The following GC variants were observed in gnomAD, a reference collection of about 807,000 sequenced individuals.
The protein encoded by GC is vitamin D-binding protein.
A neutral mutation model predicts 56.7 loss-of-function variants in GC; 43 were observed. The ratio of observed to expected loss-of-function variants is 0.76; its 90% CI spans 0.59 to 0.98. The LOEUF (loss-of-function observed/expected upper bound fraction) is 0.98. GC is among the 50% of genes least tolerant of loss of function. GC has a pLI of 0.00. For synonymous variants in GC, 216 were observed against 202.7 expected, an observed-to-expected ratio of 1.07 and a Z score of -0.56; for missense variants, 529 against 545.9, an observed-to-expected ratio of 0.97 and a Z score of 0.31.
chr4:71,761,514 A>C (rs1407306011), intron 6 of GC, among the ~76,000 whole-genome samples: 2 of 152,226 alleles, frequency 1.3e-5, no homozygotes, highest in Non-Finnish European at 2.9e-5. Context: ...AGAAATTTGC[A>C]TAAGTAACAA....
intron 1 of GC, among the ~76,000 whole-genome samples, chr4:71,795,891 G>C (rs757602397): frequency 1.3e-5 from 2 of 152,106 alleles, no homozygotes; most frequent in Non-Finnish European, 2.9e-5. Flanking sequence ...GTCTGTAAAG[G>C]ATTTTATTTC....
intron 6 of GC, among the ~76,000 whole-genome samples, chr4:71,759,106 GT>G (rs1229395498): frequency 6.6e-6 from 1 of 151,996 alleles, no homozygotes; most frequent in Non-Finnish European, 1.5e-5. Context: ...CTTGTAGCAC[GT>G]GACAGGATTT....
intron 6 of GC, chr4:71,759,539 A>G (rs1741895625): frequency 6.6e-6 from 1 of 152,304 alleles, no homozygotes. Context: ...TCCAATTATT[A>G]TACTAACTAG....
At chr4:71,763,776 A>G (rs368954563) in intron 5 of GC, 28 bp downstream of exon 5, 116 of 1,566,742 alleles carry the variant, frequency 7.4e-5, no homozygotes, top group Non-Finnish European at 9.9e-5. Context: ...AAAAAACGTA[A>G]ACATATAATA....
chr4:71,746,815 A>G (rs1741390030), intron 11 of GC, among the ~76,000 whole-genome samples: 1 of 149,384 alleles, frequency 6.7e-6, no homozygotes, highest in Non-Finnish European at 1.5e-5. Flanking sequence ...TTTGGAGGCA[A>G]TGAGAGCTAT....
intron 1 of GC, among the ~76,000 whole-genome samples, chr4:71,783,727 A>G (rs1742758741): frequency 1.3e-5 from 2 of 151,756 alleles, no homozygotes; most frequent in Non-Finnish European, 2.9e-5. Context: ...GACAAATTAT[A>G]TCATTCCATT....
At chr4:71,780,822 T>G (rs1009478157) in intron 1 of GC, among the ~76,000 whole-genome samples, 6 of 152,126 alleles carry the variant, frequency 3.9e-5, no homozygotes, top group African/African-American at 9.7e-5. Flanking sequence ...CGGAAGACAG[T>G]GTGACTATTC....
Position 71,763,898 on chromosome 4 carries a change from G to A in GC, c.512C>T (p.Pro171Leu), listed in dbSNP as rs1326213512. The A allele has an allele frequency of 6.2e-7, 1 of 1,611,094 alleles. No individual in the cohort carries two copies. Among genetic ancestry groups the A allele is most frequent in the Admixed American group, 1.7e-5 (1 of 60,000 alleles). The change falls in exon 5 of 13, where the codon CCT becomes CTT. Residue 171 changes from proline (P) to leucine (L), a missense_variant. Pro to Leu is a moderately conservative substitution (Grantham distance 98). Transcript: ENST00000273951. ...WEYSTNYGQAPLSLLVSYTKS... is the reference protein window; with the variant it reads ...WEYSTNYGQALLSLLVSYTKS... The stretch of plus-strand genomic sequence containing the variant: ...GGTGTAACTGACTAAAAGTGACAGA[G>A]GAGCTTGTCCGTAATTAGTGGAATA...
intron 6 of GC, among the ~76,000 whole-genome samples, chr4:71,759,029 G>A (rs1741876908): frequency 6.6e-6 from 1 of 152,082 alleles, no homozygotes; most frequent in East Asian, 1.9e-4. Context: ...AGTTGGAATT[G>A]TACAGTATTT....
chr4:71,798,328 T>C (rs1044891823), intron 1 of GC, among the ~76,000 whole-genome samples: 1 of 152,240 alleles, frequency 6.6e-6, no homozygotes, highest in Non-Finnish European at 1.5e-5. Context: ...CAGAGTTGGT[T>C]TCTGTTGACT....
At chr4:71,742,191 T>C (rs1741204520) in intron 12 of GC, among the ~76,000 whole-genome samples, 2 of 152,170 alleles carry the variant, frequency 1.3e-5, no homozygotes, top group African/African-American at 2.4e-5. Flanking sequence ...TAATAACAAT[T>C]ATGGCCAAGG....
chr4:71,792,766 T>C (rs1260511027), intron 1 of GC, among the ~76,000 whole-genome samples: 1 of 152,212 alleles, frequency 6.6e-6, no homozygotes, highest in African/African-American at 2.4e-5. Flanking sequence ...ATTGCCTAGG[T>C]TTTCTTCAAG....
intron 1 of GC, among the ~76,000 whole-genome samples, chr4:71,803,234 A>T (rs1456029407): frequency 6.6e-6 from 1 of 152,182 alleles, no homozygotes; most frequent in Non-Finnish European, 1.5e-5. Context: ...TCTTTGTGTG[A>T]TGCCATACCT....
At chr4:71,804,244 C>A (rs535506221), upstream of GC, among the ~76,000 whole-genome samples, 99 of 152,272 alleles carry the variant, frequency 6.5e-4, 1 homozygote, top group African/African-American at 2.3e-3. Flanking sequence ...AACAGCTGGA[C>A]CAGCTGTAAT....
chr4:71,763,360 C>T (rs377755873), intron 6 of GC, 48 bp downstream of exon 6: 1 of 921,116 alleles, frequency 1.1e-6, no homozygotes, highest in Non-Finnish European at 1.7e-6. Context: ...TATGGATAGA[C>T]AGTGCAGAAC....
In GC at chr4:71,765,464, C is replaced by T. The variant is rs201009494; in HGVS notation, c.441G>A (p.Ala147=). Residue 147 remains alanine (A), a synonymous_variant, in exon 4 of 13, where the codon GCG becomes GCA. Transcript: ENST00000273951. ...VEPTNDEICE[A]FRKDPKEYAN... ...CATATTCCTTTGGATCTTTCCTGAA[C>T]GCCTCACAGATTTCATCATTTGTGG... The T allele has an allele frequency of 2.8e-5, 45 of 1,613,812 alleles. No homozygotes were observed. In the African/African-American group the frequency reaches 2.9e-4, roughly 11 times the overall value.
chr4:71,776,847 A>G (rs184164029), intron 1 of GC, among the ~76,000 whole-genome samples: 315 of 152,028 alleles, frequency 2.1e-3, no homozygotes, highest in African/African-American at 7.5e-3. Flanking sequence ...TTCCTAACAA[A>G]ATACACGTCT....
chr4:71,781,145 A>T (rs1481799960), intron 1 of GC, among the ~76,000 whole-genome samples: 1 of 152,006 alleles, frequency 6.6e-6, no homozygotes, highest in East Asian at 1.9e-4. Flanking sequence ...ACAGAAAACC[A>T]CACACCACAT....
intron 2 of GC, 102 bp from the exon 3 acceptor site, chr4:71,768,535 C>T: frequency 1.1e-6 from 1 of 932,154 alleles, no homozygotes. Flanking sequence ...GTGGTGTGAT[C>T]TCAGCTCACT....
Sources: allele counts gnomAD v4.1 joint callset (sites outside exome capture counted in the v4.1 genomes callset), GRCh38; gene constraint gnomAD v4.1.1; transcripts MANE v1.5; gene names NCBI Gene and HGNC (gene_info 2026-07-23, HGNC 2026-07-21).